The following SELP variants were observed in gnomAD, a reference collection of about 807,000 sequenced individuals.
SELP encodes the protein P-selectin.
A neutral mutation model predicts 104.1 loss-of-function variants in SELP; 92 were observed. The observed-to-expected ratio is 0.88, with a 90% CI of 0.75 to 1.05. The LOEUF is 1.05. Among genes scored for constraint, SELP ranks in the 50% least tolerant of loss-of-function variants. SELP has a pLI of 0.00. For synonymous variants in SELP, 397 were observed against 364.5 expected, an observed-to-expected ratio of 1.09 and a Z score of -1.01; for missense variants, 1,022 against 1,017.3, an observed-to-expected ratio of 1.00 and a Z score of -0.06.
intron 8 of SELP, among the ~76,000 whole-genome samples, chr1:169,608,334 C>T: frequency 6.6e-6 from 1 of 152,066 alleles, no homozygotes; most frequent in Non-Finnish European, 1.5e-5. Flanking sequence ...CAAACTGAAA[C>T]TCCGTATCCA....
chr1:169,612,520 C>T, intron 5 of SELP, 118 bp from the exon 6 acceptor site: 1 of 882,114 alleles, frequency 1.1e-6, no homozygotes, highest in East Asian at 2.5e-5. Flanking sequence ...GGTTGATGCA[C>T]TAGAATGGTT....
At chr1:169,607,632 T>C (rs191026463) in intron 8 of SELP, among the ~76,000 whole-genome samples, 15 of 152,268 alleles carry the variant, frequency 9.9e-5, no homozygotes, top group Admixed American at 2.6e-4. Context: ...GTAAAAATTA[T>C]AATATACACC....
chr1:169,597,489 G>A (rs115834883), intron 10 of SELP, among the ~76,000 whole-genome samples: 166 of 152,196 alleles, frequency 1.1e-3, no homozygotes, highest in African/African-American at 3.7e-3. Flanking sequence ...CAGAGACCTC[G>A]TAGCCTGCCG....
At chr1:169,625,287 T>G (rs1267977872) in intron 1 of SELP, among the ~76,000 whole-genome samples, 2 of 152,222 alleles carry the variant, frequency 1.3e-5, no homozygotes, top group Non-Finnish European at 2.9e-5. Flanking sequence ...TCTGCTCTAA[T>G]GTTTGAGAAA....
intron 1 of SELP, among the ~76,000 whole-genome samples, chr1:169,626,209 C>A (rs3917668): frequency 6.6e-6 from 1 of 152,136 alleles, no homozygotes; most frequent in Non-Finnish European, 1.5e-5. Flanking sequence ...GAGAAAAATA[C>A]GAGCCGGGGG....
At position 169,596,137 on chromosome 1, in the gene SELP, G is replaced by C. The variant is rs1661598860; in HGVS notation, c.1892-3C>G. On this transcript the variant is annotated splice_region_variant and splice_polypyrimidine_tract_variant and intron_variant, in intron 11 of 16. Transcript: ENST00000263686. ...TGGAGTAGGAAGTGATGCTATGCCT[G>C]TTGTGAGAAAATGTTTCCATTCAGA... 6.2e-7 allele frequency: 1 copy of C among 1,612,918 alleles called. No individual in the cohort carries two copies. The highest frequency in any genetic ancestry group is 8.5e-7 in the Non-Finnish European group (1 of 1,179,306).
rs1295125987 is a variant in SELP, at chr1:169,594,835, A to G, written c.2144T>C (p.Met715Thr). The G allele has an allele frequency of 6.2e-7, 1 of 1,613,814 alleles. No homozygotes were observed. The highest frequency in any genetic ancestry group is 8.5e-7 in the Non-Finnish European group (1 of 1,179,778). ...SELHVNKPIA[M>T]NCSNLWGNFS... ...GTTTCCCCAGAGGTTGGAGCAGTTCATCGCTATTGGCTTATTAACATGTAG... is the reference window on the plus strand; with the variant it reads ...GTTTCCCCAGAGGTTGGAGCAGTTCGTCGCTATTGGCTTATTAACATGTAG... Residue 715 changes from methionine (M) to threonine (T), a missense_variant, in exon 13 of 17, where the codon ATG (methionine) becomes ACG (threonine). Coordinates refer to ENST00000263686, the MANE Select transcript of SELP (RefSeq NM_003005.4).
Position 169,593,619 on chromosome 1 carries a change from C to T in SELP, c.2393G>A (p.Arg798His), listed in dbSNP as rs201454112. The T allele has an allele frequency of 7.6e-5, 122 of 1,612,738 alleles. No homozygotes were observed. In the Admixed American group the frequency reaches 9.2e-4, roughly 12 times the overall value. The stretch of plus-strand genomic sequence containing the variant: ...TTCCTATTTACCTTTTTGTCTGAAA[C>T]GCTTTCTTAGCAAAGCCAGGAGCGT... ...GGTLLALLRK[R>H]FRQKDDGKCP... The change falls in exon 14 of 17, where the codon CGT becomes CAT. Residue 798 changes from arginine to histidine, a missense_variant. Physicochemically the swap from Arg to His is conservative, Grantham distance 29. Transcript: ENST00000263686.
rs1343003274 is a variant in SELP at position 169,602,169 on chromosome 1, T to G, written c.1705+857A>C. ...GATCACCTTCAATTCAACAGATATT[T>G]GTCACACACACCCATTTTTATTCTG... On this transcript the variant is annotated intron_variant, in intron 10 of 16. Coordinates refer to ENST00000263686, the MANE Select transcript of SELP (RefSeq NM_003005.4). Among the ~76,000 whole-genome samples the G allele has an allele frequency of 2.6e-5, 4 of 152,310 alleles. No individual in the cohort carries two copies. In the South Asian group the frequency reaches 8.3e-4, roughly 32 times the overall value.
Position 169,593,652 on chromosome 1 carries a change from A to G in SELP, c.2360T>C (p.Met787Thr), listed in dbSNP as rs763957012. ...TAGCAAAGCCAGGAGCGTCCCACCCATTATCAGACCTATCGTAGAAGCCAC... is the reference window on the plus strand; with the variant it reads ...TAGCAAAGCCAGGAGCGTCCCACCCGTTATCAGACCTATCGTAGAAGCCAC... ...GAVASTIGLI[M>T]GGTLLALLRK... is the part of the protein sequence containing the mutation. The change falls in exon 14 of 17, where the codon ATG becomes ACG. Residue 787 changes from methionine to threonine, a missense_variant. Coordinates refer to ENST00000263686, the MANE Select transcript of SELP (RefSeq NM_003005.4). 21 of 1,613,478 alleles carry G rather than the reference A, an allele frequency of 1.3e-5. No homozygotes were observed. The highest frequency in any genetic ancestry group is 2.7e-5 in the African/African-American group (2 of 75,004).
Position 169,607,177 on chromosome 1 carries a change from A to G in SELP, c.1334-43T>C. ...AAGGAATAAAGAAACAGTAATACAC[A>G]TGTACTCATTGATTTTTGACCATTA... On this transcript the variant is annotated intron_variant, in intron 8 of 16. Coordinates refer to ENST00000263686, the MANE Select transcript of SELP (RefSeq NM_003005.4). 4 of 1,454,250 alleles carry G rather than the reference A, an allele frequency of 2.8e-6. No homozygotes were observed. The East Asian group carries it at 7.3e-5, about 27-fold the overall frequency. 90.1% of individuals were successfully genotyped at this position (1,454,250 alleles called of 1,614,324 possible).
intron 15 of SELP, among the ~76,000 whole-genome samples, chr1:169,590,711 C>T (rs1015868421): frequency 6.6e-6 from 1 of 152,152 alleles, no homozygotes; most frequent in African/African-American, 2.4e-5. Context: ...AGCACCCCTG[C>T]CTCCTGCCCA....
chr1:169,606,869 A>G, intron 9 of SELP, 80 bp downstream of exon 9: 5 of 1,260,434 alleles, frequency 4.0e-6, no homozygotes, highest in South Asian at 3.9e-5. Context: ...GATCTTACAT[A>G]GTTGTCACCT....
At chr1:169,629,081 G>A (rs146000110) in intron 1 of SELP, among the ~76,000 whole-genome samples, 34 of 152,288 alleles carry the variant, frequency 2.2e-4, no homozygotes, top group African/African-American at 2.6e-4. Context: ...GCAGGATTTC[G>A]GACCCTGGGA....
intron 3 of SELP, among the ~76,000 whole-genome samples, chr1:169,616,277 T>C (rs2101912437): frequency 6.6e-6 from 1 of 152,320 alleles, no homozygotes. Context: ...TTTACAATCC[T>C]TGGTTATATT....
chr1:169,591,587 A>T lies in SELP; in HGVS notation c.2408-131T>A, dbSNP rs148620985. The T allele has an allele frequency of 5.9e-4, 328 of 551,434 alleles. No individual in the cohort carries two copies. The African/African-American group carries it at 6.0e-3, about 10-fold the overall frequency. 34.2% of individuals were successfully genotyped at this position (551,434 alleles called of 1,614,324 possible). ...TTCAGGAGGGCTCATTATAAGGGGA[A>T]TATTGGGAACAGTTTCTCCCTGAAA... is the stretch of plus-strand genomic sequence containing the variant. On this transcript the variant is annotated intron_variant, in intron 14 of 16. Coordinates refer to ENST00000263686, the MANE Select transcript of SELP (RefSeq NM_003005.4).
At chr1:169,610,269 A>G (rs1306158802) in intron 7 of SELP, among the ~76,000 whole-genome samples, 2 of 152,134 alleles carry the variant, frequency 1.3e-5, no homozygotes, top group Non-Finnish European at 2.9e-5. Flanking sequence ...TGTCTCTAGA[A>G]CACAGGATGT....
At chr1:169,609,296 T>C (rs958511010) in intron 8 of SELP, among the ~76,000 whole-genome samples, 1 of 152,124 alleles carries the variant, frequency 6.6e-6, no homozygotes, top group Non-Finnish European at 1.5e-5. Context: ...AGTGCAAACC[T>C]CACCTTGACT....
chr1:169,603,379 A>G (rs757852414), intron 9 of SELP, among the ~76,000 whole-genome samples, 168 bp from the exon 10 acceptor site: 1 of 150,208 alleles, frequency 6.7e-6, no homozygotes, highest in South Asian at 2.1e-4. Flanking sequence ...ATTTGGCTAA[A>G]AGTGATTGTT....
Sources: gnomAD v4.1 joint callset for allele counts (sites outside exome capture counted in the v4.1 genomes callset) on GRCh38, gnomAD v4.1.1 for gene constraint, MANE v1.5 for transcripts, NCBI Gene and HGNC (gene_info 2026-07-23, HGNC 2026-07-21) for gene names.